Variants in EML3 observed in about 807,000 individuals in gnomAD.
EML3 encodes the protein EMAP like 3.
EML3 carries 53 observed loss-of-function variants against 106.7 expected under a neutral mutation model. The observed-to-expected ratio is 0.50, with a 90% confidence interval of 0.40 to 0.62. EML3 has a LOEUF of 0.62. Among genes scored for constraint, EML3 ranks in the 20% least tolerant of loss-of-function variants. The pLI, the probability that EML3 is intolerant of heterozygous loss-of-function variation, is 0.00. For synonymous variants in EML3, 499 were observed against 489.6 expected (o/e 1.02, Z -0.25); for missense variants, 994 against 1,209.1 (o/e 0.82, Z 2.64).
At position 62,611,859 on chromosome 11, in the gene EML3, CG is replaced by C. The variant is rs369765616; in HGVS notation, c.23-264del. The C allele has an allele frequency of 6.9e-4, 363 of 526,882 alleles. 8 individuals are homozygous for C. In the South Asian group the frequency reaches 8.1e-3, roughly 12 times the overall value. 32.6% of individuals were successfully genotyped at this position (526,882 alleles called of 1,614,324 possible). ...AAAGACTGGGAGTACCATGGAGTAC[CG>C]GGGGGGAAATATGGAGTACTGCCGA... On this transcript the variant is annotated intron_variant, in intron 1 of 21. Transcript: ENST00000394773.
chr11:62,608,965 C>T lies in EML3; in HGVS notation c.926G>A (p.Arg309Gln). 4 of 1,613,770 alleles carry T rather than the reference C, an allele frequency of 2.5e-6. No homozygotes were observed. Among genetic ancestry groups the T allele is most frequent in the Admixed American group, 1.7e-5 (1 of 60,012 alleles). ...RHYRGHTDCVRCLAVHPDGVR... is the reference protein window; with the variant it reads ...RHYRGHTDCVQCLAVHPDGVR... ...CCACCAGCCCCGGACTCCTCACCAT[C>T]GAACGCAGTCTGTGTGCCCCCGGTA... Residue 309 changes from arginine to glutamine, a missense_variant, in exon 7 of 22, where the codon CGA becomes CAA. Physicochemically the swap from Arg to Gln is conservative, Grantham distance 43. Coordinates refer to ENST00000394773, the MANE Select transcript of EML3 (RefSeq NM_153265.3).
rs781299595 is a variant in EML3, at chr11:62,607,768, G to A, written c.1260C>T (p.Cys420=). 1.1e-5 allele frequency: 17 copies of A among 1,614,022 alleles called. No homozygotes were observed. In the East Asian group the frequency reaches 3.8e-4, roughly 36 times the overall value. The change falls in exon 11 of 22, where the codon TGC becomes TGT. Residue 420 remains cysteine, a synonymous_variant. Coordinates refer to ENST00000394773, the MANE Select transcript of EML3 (RefSeq NM_153265.3). ...AVGFNPRDSS[C]IVTSGKSHVH... The stretch of plus-strand genomic sequence containing the variant: ...CGTGAGATTTCCCACTGGTGACGAT[G>A]CAGCTGCTGTCACGAGGGTTGAAGC...
intron 11 of EML3, 112 bp downstream of exon 11, chr11:62,607,554 A>T (rs1243720345): frequency 2.3e-6 from 3 of 1,292,990 alleles, no homozygotes; most frequent in Non-Finnish European, 2.1e-6. Flanking sequence ...AAAAAAAAAA[A>T]AGGTCACAGG....
intron 11 of EML3, chr11:62,607,324 C>CAA: frequency 2.7e-6 from 1 of 372,980 alleles, no homozygotes; most frequent in Non-Finnish European, 4.7e-6. Context: ...GTCTCAAAAA[C>CAA]AAAAAAAACA....
Position 62,605,230 on chromosome 11 carries a change from A to T in EML3, c.1915-50T>A. On this transcript the variant is annotated intron_variant, in intron 15 of 21. Transcript: ENST00000394773. This position sits in a 1 kb window ranked among gnomAD's most constrained non-coding sequence, Gnocchi z 5.2. ...CAAGATGATGTCTTTCTAGTGAGGG[A>T]ACCAGAGTGAACCCCTTGTCCTCCT... The T allele has an allele frequency of 6.3e-7, 1 of 1,575,818 alleles. No homozygotes were observed. Among genetic ancestry groups the T allele is most frequent in the Non-Finnish European group, 8.7e-7 (1 of 1,154,094 alleles).
chr11:62,602,607 G>T lies in EML3; in HGVS notation c.2559C>A (p.His853Gln). ...CGTCCTTGCCGCCCAGCGAGACGAGGTGCGAGTCGTCGTGCGTGAATCGGA... is the reference window on the plus strand; with the variant it reads ...CGTCCTTGCCGCCCAGCGAGACGAGTTGCGAGTCGTCGTGCGTGAATCGGA... ...TSVRFTHDDS[H>Q]LVSLGGKDAS... Residue 853 changes from histidine (H) to glutamine (Q), a missense_variant, in exon 22 of 22, where the codon CAC becomes CAA. His to Gln is a conservative substitution (Grantham distance 24). Transcript: ENST00000394773. 1.9e-6 allele frequency: 3 copies of T among 1,567,316 alleles called. No individual in the cohort carries two copies. The highest frequency in any genetic ancestry group is 2.6e-6 in the Non-Finnish European group (3 of 1,159,662).
At chr11:62,608,371 G>T in intron 9 of EML3, 75 bp from the exon 10 acceptor site, 1 of 1,451,014 alleles carries the variant, frequency 6.9e-7, no homozygotes. Flanking sequence ...TAGGTTAAGA[G>T]GTACCATCAC....
chr11:62,609,020 C>G lies in EML3; in HGVS notation c.871G>C (p.Gly291Arg), dbSNP rs1942676420. The change falls in exon 7 of 22, where the codon GGG becomes CGG. Residue 291 changes from glycine (G) to arginine (R), a missense_variant. Around this residue, in one of 3 missense-constraint regions of EML3, gnomAD observed 713 missense variants for 920.5 expected, o/e 0.77. Coordinates refer to ENST00000394773, the MANE Select transcript of EML3 (RefSeq NM_153265.3). ...CTCTGGCCGCCACCTCCAGGACCCC[C>G]TGGGCCTCCTCCAGGCCGGTACAGC... The part of the protein sequence containing the change: ...VVLYRPGGGP[G>R]GPGGGGQRHY... 6.2e-7 allele frequency: 1 copy of G among 1,613,930 alleles called. No individual in the cohort carries two copies.
intron 1 of EML3, 119 bp downstream of exon 1, chr11:62,612,317 G>A: frequency 9.8e-7 from 1 of 1,024,072 alleles, no homozygotes; most frequent in Admixed American, 2.7e-5. Flanking sequence ...AGGATGCTCG[G>A]AGCCCCTGGG....
Position 62,606,190 on chromosome 11 carries a change from G to A in EML3, c.1529C>T (p.Ala510Val). 1.2e-6 allele frequency: 2 copies of A among 1,613,964 alleles called. No homozygotes were observed. Among genetic ancestry groups the A allele is most frequent in the South Asian group, 2.2e-5 (2 of 91,086 alleles). ...GAAGATAGAACCTTCATGAGCGTGA[G>A]CCTGGGCCACAATCCCATAGGTCTC... ...AKETYGIVAQ[A>V]HAHEGSIFAL... The change falls in exon 13 of 22, where the codon GCT becomes GTT. Residue 510 changes from alanine to valine, a missense_variant. Physicochemically the swap from Ala to Val is moderately conservative, Grantham distance 64. Transcript: ENST00000394773.
rs773172241 is a variant in EML3 at position 62,610,960 on chromosome 11, G to A, written c.485C>T (p.Pro162Leu). 2.5e-6 allele frequency: 4 copies of A among 1,613,864 alleles called. No homozygotes were observed. The Admixed American group carries it at 5.0e-5, about 20-fold the overall frequency. Residue 162 changes from proline to leucine, a missense_variant, in exon 4 of 22, where the codon CCC becomes CTC. Physicochemically the swap from Pro to Leu is moderately conservative, Grantham distance 98 (BLOSUM62 -3). This residue lies in a region of EML3 where 269 missense variants were observed against 265.1 expected (regional missense o/e 1.01). Transcript: ENST00000394773. The part of the protein sequence containing the change: ...PRRNSSSSSS[P>L]SERPRQKLSR... ...GAGCTTCTGCCGAGGCCGCTCTGAG[G>A]GGGATGAGGAGGAGGAAGAATTTCT...
chr11:62,610,521 G>A (rs950940551), intron 4 of EML3, among the ~76,000 whole-genome samples: 1 of 152,180 alleles, frequency 6.6e-6, no homozygotes, highest in African/African-American at 2.4e-5. Context: ...AAGGTGTGCT[G>A]TGATGTAGTG....
rs754798985 is a variant in EML3 at position 62,607,013 on chromosome 11, G to A, written c.1449C>T (p.Leu483=). 1.7e-5 allele frequency: 27 copies of A among 1,614,060 alleles called. No homozygotes were observed. Among genetic ancestry groups the A allele is most frequent in the African/African-American group, 4.0e-5 (3 of 74,936 alleles). ...AATCTGAAGGGCTCCGCCCCCAGGT[G>A]AGAATGTTCCCCTCTGAGTCTCCAG... ...ILTGDSEGNI[L]TWGRSPSDSK... is the part of the protein sequence containing the mutation. The change falls in exon 12 of 22, where the codon CTC becomes CTT. Residue 483 remains leucine, a synonymous_variant. Coordinates refer to ENST00000394773, the MANE Select transcript of EML3 (RefSeq NM_153265.3).
In EML3 at chr11:62,605,689, G is replaced by T. The variant is rs780020149; in HGVS notation, c.1867C>A (p.Leu623Met). Residue 623 changes from leucine (L) to methionine (M), a missense_variant, in exon 15 of 22, where the codon CTG becomes ATG. By Grantham distance (15) the Leu-to-Met change is conservative (BLOSUM62 2). Transcript: ENST00000394773. This position sits in a 1 kb window ranked among gnomAD's most constrained non-coding sequence, Gnocchi z 5.2. ...AGTGCATGGCTCTCCCCATCCCACA[G>T]GCAGAGCTGCCGGTCGTGGCCGCAG... ...LTCGHDRQLCLWDGESHALAW... is the reference protein window; with the variant it reads ...LTCGHDRQLCMWDGESHALAW... The T allele has an allele frequency of 5.0e-6, 8 of 1,595,420 alleles. No homozygotes were observed. Among genetic ancestry groups the T allele is most frequent in the South Asian group, 1.1e-5 (1 of 87,344 alleles).
At position 62,611,218 on chromosome 11, in the gene EML3, TGGGGGTCCATTGCTCAGGCCA is replaced by T; in HGVS notation, c.300_320del (p.Gly101_Pro107del). 1 of 1,611,374 alleles carries T rather than the reference TGGGGGTCCATTGCTCAGGCCA, an allele frequency of 6.2e-7. No homozygotes were observed. Among genetic ancestry groups the T allele is most frequent in the Non-Finnish European group, 8.5e-7 (1 of 1,179,596 alleles). On this transcript the variant is annotated inframe_deletion, in exon 3 of 22. Transcript: ENST00000394773. Reference sequence around the variant, plus strand: ...GCTCTTCGCTGGCCCCCTGAGGGGCTGGGGGTCCATTGCTCAGGCCAGGGGGTCCAGGGGATGACTTGAGCT... The same window carrying T: ...GCTCTTCGCTGGCCCCCTGAGGGGCTGGGGGTCCAGGGGATGACTTGAGCT...
intron 4 of EML3, among the ~76,000 whole-genome samples, 195 bp from the exon 5 acceptor site, chr11:62,609,891 A>C (rs1041682073): frequency 6.6e-6 from 1 of 152,190 alleles, no homozygotes; most frequent in Non-Finnish European, 1.5e-5. Context: ...ATTGAGGCTG[A>C]AGGGGCTGAG....
Position 62,607,041 on chromosome 11 carries a change from A to T in EML3, c.1421T>A (p.Leu474His). The change falls in exon 12 of 22, where the codon CTC becomes CAC. Residue 474 changes from leucine to histidine, a missense_variant. Transcript: ENST00000394773. ...CFVFLPDGDI[L>H]TGDSEGNILT... Reference sequence around the variant, plus strand: ...AATGTTCCCCTCTGAGTCTCCAGTGAGAATGTCTCCATCCGGAAGGAACAC... The same window carrying T: ...AATGTTCCCCTCTGAGTCTCCAGTGTGAATGTCTCCATCCGGAAGGAACAC... The T allele has an allele frequency of 6.2e-7, 1 of 1,614,164 alleles. No individual in the cohort carries two copies. Among genetic ancestry groups the T allele is most frequent in the Non-Finnish European group, 8.5e-7 (1 of 1,180,002 alleles).
chr11:62,611,826 G>A (rs1342227234), intron 1 of EML3: 1 of 576,152 alleles, frequency 1.7e-6, no homozygotes, highest in African/African-American at 1.9e-5. Context: ...TGCCGTCTCA[G>A]CCTCCGCAAA....
At chr11:62,610,718 C>A (rs1438492594) in intron 4 of EML3, among the ~76,000 whole-genome samples, 161 bp downstream of exon 4, 1 of 152,178 alleles carries the variant, frequency 6.6e-6, no homozygotes, top group South Asian at 2.1e-4. Flanking sequence ...GAGGGTTTAG[C>A]ACAGTGCCCG....
Sources: allele counts gnomAD v4.1 joint callset (sites outside exome capture counted in the v4.1 genomes callset), GRCh38; gene constraint gnomAD v4.1.1; regional missense constraint gnomAD v4.1.1; non-coding constraint Gnocchi (gnomAD v3.1); transcripts MANE v1.5; gene names NCBI Gene and HGNC (gene_info 2026-07-23, HGNC 2026-07-21).